The following PLCB1 variants were observed in gnomAD, a reference collection of about 807,000 sequenced individuals.
PLCB1 encodes phospholipase C beta 1, also known as 1-phosphatidylinositol 4,5-bisphosphate phosphodiesterase beta-1.
PLCB1 carries 46 observed loss-of-function variants against 161.8 expected under a neutral mutation model. The observed-to-expected ratio is 0.28, with a 90% CI of 0.22 to 0.36. The LOEUF (loss-of-function observed/expected upper bound fraction) is 0.36, where lower values mean the gene tolerates loss of function less well. PLCB1 is among the 10% of genes least tolerant of loss of function. PLCB1 has a pLI of 1.00. For synonymous variants in PLCB1, 517 were observed against 503.7 expected (o/e 1.03, Z -0.35); for missense variants, 1,016 against 1,472.5 (o/e 0.69, Z 5.07).
At chr20:8,491,947 G>GT (rs960962823) in intron 3 of PLCB1, among the ~76,000 whole-genome samples, 9 of 146,860 alleles carry the variant, frequency 6.1e-5, no homozygotes, top group South Asian at 4.3e-4. Flanking sequence ...TCTTTTTTTT[G>GT]TTTTTTTGTT....
chr20:8,406,919 T>C (rs993333505), intron 3 of PLCB1, among the ~76,000 whole-genome samples: 3 of 152,144 alleles, frequency 2.0e-5, no homozygotes, highest in African/African-American at 4.8e-5. Flanking sequence ...ATTTGAGATG[T>C]GGTGTTTCAG....
intron 9 of PLCB1, among the ~76,000 whole-genome samples, chr20:8,669,259 TA>T (rs1256399664): frequency 3.9e-5 from 6 of 152,238 alleles, no homozygotes; most frequent in African/African-American, 1.4e-4. Context: ...AAGTTTTGTT[TA>T]TTGACATTGT....
intron 31 of PLCB1, among the ~76,000 whole-genome samples, chr20:8,853,526 C>T: frequency 6.6e-6 from 1 of 152,098 alleles, no homozygotes; most frequent in East Asian, 1.9e-4. Context: ...TAGCTGTAGT[C>T]GGGTTTTTAA....
At chr20:8,788,547 A>C (rs763690556) in intron 28 of PLCB1, 22 bp downstream of exon 28, 16 of 1,607,070 alleles carry the variant, frequency 1.0e-5, no homozygotes, top group South Asian at 1.1e-5. Flanking sequence ...TTCCCATTAC[A>C]ATTGACATGT....
At chr20:8,208,749 T>C (rs1978664803) in intron 2 of PLCB1, among the ~76,000 whole-genome samples, 2 of 140,038 alleles carry the variant, frequency 1.4e-5, no homozygotes, top group Admixed American at 6.8e-5. Flanking sequence ...TAGATGAGGA[T>C]GATAGTGATT....
chr20:8,138,408 GTGAATTGT>G (rs1474084709), intron 1 of PLCB1, among the ~76,000 whole-genome samples: 1 of 152,180 alleles, frequency 6.6e-6, no homozygotes, highest in Non-Finnish European at 1.5e-5. Context: ...GGGATTGCTG[GTGAATTGT>G]TGACTAACGC....
intron 2 of PLCB1, among the ~76,000 whole-genome samples, chr20:8,311,867 G>T (rs541570085): frequency 3.4e-4 from 52 of 152,290 alleles, no homozygotes; most frequent in African/African-American, 1.2e-3. Flanking sequence ...CACATATACA[G>T]TTGTGGGCCC....
intron 3 of PLCB1, among the ~76,000 whole-genome samples, chr20:8,509,775 TAGATAG>T (rs1983798160): frequency 7.4e-6 from 1 of 135,008 alleles, no homozygotes; most frequent in African/African-American, 2.7e-5. Flanking sequence ...GATAGATAGA[TAGATAG>T]ATAGCATGAA....
intron 1 of PLCB1, among the ~76,000 whole-genome samples, chr20:8,135,295 G>T (rs140086117): frequency 1.3e-3 from 193 of 152,292 alleles, no homozygotes; most frequent in African/African-American, 4.4e-3. Flanking sequence ...TGAATTTGGG[G>T]CTGTTTAGGA....
At chr20:8,341,826 T>G (rs1195056732) in intron 2 of PLCB1, among the ~76,000 whole-genome samples, 1 of 152,234 alleles carries the variant, frequency 6.6e-6, no homozygotes, top group Non-Finnish European at 1.5e-5. Flanking sequence ...TCGTCTAATA[T>G]TCAAAATAAT....
At chr20:8,776,267 T>C (rs1982939393) in intron 27 of PLCB1, among the ~76,000 whole-genome samples, 1 of 152,204 alleles carries the variant, frequency 6.6e-6, no homozygotes, top group African/African-American at 2.4e-5. Flanking sequence ...ATAAAAAATG[T>C]ATATAGCAAA....
At chr20:8,632,032 TTGC>T (rs1988606310) in intron 4 of PLCB1, among the ~76,000 whole-genome samples, 1 of 94,496 alleles carries the variant, frequency 1.1e-5, no homozygotes, top group African/African-American at 4.3e-5. Flanking sequence ...TGGGTTTTTT[TTGC>T]TTTTTTTTTT....
chr20:8,583,906 GAA>G (rs983411081), intron 3 of PLCB1, among the ~76,000 whole-genome samples: 1 of 152,060 alleles, frequency 6.6e-6, no homozygotes, highest in Non-Finnish European at 1.5e-5. Flanking sequence ...TCTCTGTCTG[GAA>G]AAATCATAAA....
intron 9 of PLCB1, among the ~76,000 whole-genome samples, chr20:8,669,103 A>C (rs1274596340): frequency 6.6e-6 from 1 of 152,234 alleles, no homozygotes; most frequent in Non-Finnish European, 1.5e-5. Flanking sequence ...CTAATATCAC[A>C]AATAATTATA....
At chr20:8,393,324 A>C (rs1202434584) in intron 3 of PLCB1, among the ~76,000 whole-genome samples, 3 of 152,154 alleles carry the variant, frequency 2.0e-5, no homozygotes, top group Non-Finnish European at 2.9e-5. Flanking sequence ...ATACTTTATC[A>C]AAACCAAAAC....
chr20:8,320,080 G>A (rs1984841102), intron 2 of PLCB1, among the ~76,000 whole-genome samples: 1 of 152,094 alleles, frequency 6.6e-6, no homozygotes, highest in Non-Finnish European at 1.5e-5. Context: ...AGGTCCGGGG[G>A]CATGGCATTT....
chr20:8,238,202 A>T (rs1205555987), intron 2 of PLCB1, among the ~76,000 whole-genome samples: 1 of 152,020 alleles, frequency 6.6e-6, no homozygotes, highest in Non-Finnish European at 1.5e-5. Flanking sequence ...CCAAGGTATG[A>T]CTGTGATTTC....
At chr20:8,465,770 T>C (rs952250185) in intron 3 of PLCB1, among the ~76,000 whole-genome samples, 2 of 150,940 alleles carry the variant, frequency 1.3e-5, no homozygotes, top group Non-Finnish European at 3.0e-5. Flanking sequence ...AAAACCACAA[T>C]GAGATACCAT....
At chr20:8,270,595 GATTA>G (rs1459246422) in intron 2 of PLCB1, among the ~76,000 whole-genome samples, 1 of 152,048 alleles carries the variant, frequency 6.6e-6, no homozygotes, top group African/African-American at 2.4e-5. Context: ...TAAGTAGATT[GATTA>G]ATCAGTCAAT....
Sources: gnomAD v4.1 joint callset for allele counts (sites outside exome capture counted in the v4.1 genomes callset) on GRCh38, gnomAD v4.1.1 for gene constraint, MANE v1.5 for transcripts, NCBI Gene and HGNC (gene_info 2026-07-23, HGNC 2026-07-21) for gene names.